The following RASAL2 variants were observed in gnomAD, a reference collection of about 807,000 sequenced individuals.
The protein encoded by RASAL2 is ras GTPase-activating protein nGAP.
RASAL2 carries 58 observed loss-of-function variants against 128.9 expected under a neutral mutation model. The ratio of observed to expected loss-of-function variants is 0.45; its 90% confidence interval spans 0.36 to 0.56. The LOEUF (loss-of-function observed/expected upper bound fraction) is 0.56, where lower values mean the gene tolerates loss of function less well. Among genes scored for constraint, RASAL2 ranks in the 20% least tolerant of loss-of-function variants. The pLI is 0.00. For missense variants in RASAL2, 1,360 were observed against 1,601.6 expected, an observed-to-expected ratio of 0.85 and a Z score of 2.57; for synonymous variants, 561 against 580.8, an observed-to-expected ratio of 0.97 and a Z score of 0.49.
intron 1 of RASAL2, among the ~76,000 whole-genome samples, chr1:178,174,064 G>A (rs181949821): frequency 8.9e-4 from 135 of 152,052 alleles, no homozygotes; most frequent in African/African-American, 2.7e-3. Flanking sequence ...CTTAGTTGAT[G>A]CAGCCTCTTC....
At chr1:178,417,543 C>T (rs998691475) in intron 4 of RASAL2, among the ~76,000 whole-genome samples, 9 of 151,936 alleles carry the variant, frequency 5.9e-5, no homozygotes, top group Admixed American at 5.2e-4. Context: ...GGGCGGATCA[C>T]CTGAGGTCGG....
chr1:178,424,701 A>G (rs1426058191), intron 5 of RASAL2, among the ~76,000 whole-genome samples: 1 of 152,004 alleles, frequency 6.6e-6, no homozygotes, highest in East Asian at 1.9e-4. Flanking sequence ...GGCTCAAGTG[A>G]TTTGCCCACC....
intron 1 of RASAL2, among the ~76,000 whole-genome samples, chr1:178,278,824 G>T (rs1174991279): frequency 2.6e-5 from 4 of 152,080 alleles, no homozygotes; most frequent in Non-Finnish European, 5.9e-5. Context: ...CTGTGTGTGT[G>T]TTCCTATACT....
intron 1 of RASAL2, among the ~76,000 whole-genome samples, chr1:178,211,121 C>T (rs1437547024): frequency 6.6e-6 from 1 of 152,152 alleles, no homozygotes; most frequent in Non-Finnish European, 1.5e-5. Context: ...CTGAGGACCT[C>T]TTCTAGGTAA....
intron 5 of RASAL2, among the ~76,000 whole-genome samples, chr1:178,436,350 A>AC (rs1161882918): frequency 3.3e-4 from 50 of 152,228 alleles, no homozygotes; most frequent in South Asian, 6.2e-4. Context: ...TGAACTATGT[A>AC]TTAATTAAAA....
intron 14 of RASAL2, among the ~76,000 whole-genome samples, chr1:178,458,874 C>T (rs12083969): frequency 0.038 from 5,811 of 152,180 alleles, 359 homozygotes; most frequent in African/African-American, 0.13. Flanking sequence ...TAGGCAAAAC[C>T]AGCTATTATT....
chr1:178,297,833 T>C (rs1410398963), intron 2 of RASAL2, among the ~76,000 whole-genome samples: 1 of 152,118 alleles, frequency 6.6e-6, no homozygotes, highest in African/African-American at 2.4e-5. Context: ...AAATATTGTA[T>C]TTATTCTCTC....
chr1:178,236,295 T>TATAC (rs1423192157), intron 1 of RASAL2, among the ~76,000 whole-genome samples: 1 of 152,194 alleles, frequency 6.6e-6, no homozygotes, highest in Non-Finnish European at 1.5e-5. Flanking sequence ...TTCATAAGTA[T>TATAC]ATACTATGAT....
intron 1 of RASAL2, among the ~76,000 whole-genome samples, chr1:178,278,685 C>T (rs1391335693): frequency 3.9e-5 from 6 of 152,144 alleles, no homozygotes; most frequent in Admixed American, 3.9e-4. Context: ...TGTCCTTTCT[C>T]CCTTATCCCT....
chr1:178,300,795 T>A (rs992243036), intron 3 of RASAL2, among the ~76,000 whole-genome samples: 2 of 152,224 alleles, frequency 1.3e-5, no homozygotes, highest in African/African-American at 4.8e-5. Context: ...ATTTAAATAA[T>A]CAGACTGGTC....
rs1648630241 is a variant in RASAL2 at position 178,475,755 on chromosome 1, A to G, written c.*2516A>G. 6.6e-6 allele frequency: 1 copy of G among 152,214 alleles called. No individual in the cohort carries two copies. Among genetic ancestry groups the G allele is most frequent in the Non-Finnish European group, 1.5e-5 (1 of 68,040 alleles). The allele number at this position is 152,214 out of a possible 1,614,324, so 9.4% of individuals were successfully genotyped here. On this transcript the variant is annotated 3_prime_UTR_variant, in exon 18 of 18. Coordinates refer to ENST00000367649, the MANE Select transcript of RASAL2 (RefSeq NM_170692.4). ...TTCACTGAAAGATTTAATGCCCAAA[A>G]CATTTGGACAGATTATGCAGCCTTC... is the stretch of plus-strand genomic sequence containing the variant.
At chr1:178,205,479 G>A (rs1045229631) in intron 1 of RASAL2, among the ~76,000 whole-genome samples, 2 of 152,006 alleles carry the variant, frequency 1.3e-5, no homozygotes, top group African/African-American at 4.8e-5. Flanking sequence ...CTTATGGGCC[G>A]GGCGCAGTGG....
At chr1:178,144,531 G>A (rs1328762156) in intron 1 of RASAL2, among the ~76,000 whole-genome samples, 3 of 152,082 alleles carry the variant, frequency 2.0e-5, no homozygotes, top group East Asian at 1.9e-4. Flanking sequence ...TGCTTGACAC[G>A]TAGTTGGTAA....
intron 14 of RASAL2, among the ~76,000 whole-genome samples, chr1:178,461,991 C>A (rs1207554386): frequency 6.6e-6 from 1 of 152,206 alleles, no homozygotes; most frequent in African/African-American, 2.4e-5. Flanking sequence ...AAACCCTATA[C>A]AGCTTTATCT....
At chr1:178,438,794 AAG>A (rs1420017075) in intron 5 of RASAL2, among the ~76,000 whole-genome samples, 1 of 151,812 alleles carries the variant, frequency 6.6e-6, no homozygotes, top group Non-Finnish European at 1.5e-5. Flanking sequence ...ATTGAACCAA[AAG>A]CCTGCCAGAA....
intron 1 of RASAL2, among the ~76,000 whole-genome samples, chr1:178,131,375 CTT>C (rs71108028): frequency 2.4e-5 from 2 of 82,606 alleles, no homozygotes; most frequent in Non-Finnish European, 2.2e-5. Flanking sequence ...CCTGGATAAT[CTT>C]TTTTTTTTTT....
At chr1:178,438,881 CTGTGTGTGTGTGTGTGTGTGTG>C (rs3042589) in intron 5 of RASAL2, among the ~76,000 whole-genome samples, 17 of 129,388 alleles carry the variant, frequency 1.3e-4, no homozygotes, top group Admixed American at 2.4e-4. Flanking sequence ...AGCTTCGACT[CTGTGTGTGTGTGTGTGTGTGTG>C]TGTGTGTGTG....
At chr1:178,176,368 A>T (rs1261236850) in intron 1 of RASAL2, among the ~76,000 whole-genome samples, 1 of 150,268 alleles carries the variant, frequency 6.7e-6, no homozygotes, top group African/African-American at 2.4e-5. Flanking sequence ...CTTTTGAGAA[A>T]TGTCTGTTCC....
intron 4 of RASAL2, among the ~76,000 whole-genome samples, chr1:178,406,555 G>GT (rs960595648): frequency 6.6e-6 from 1 of 151,926 alleles, no homozygotes; most frequent in African/African-American, 2.4e-5. Flanking sequence ...ATATTGACTT[G>GT]TTTTTTGTAA....
Sources: allele counts gnomAD v4.1 joint callset (sites outside exome capture counted in the v4.1 genomes callset), GRCh38; gene constraint gnomAD v4.1.1; transcripts MANE v1.5; gene names NCBI Gene and HGNC (gene_info 2026-07-23, HGNC 2026-07-21).